The following ERCC3 variants were observed in gnomAD, a reference collection of about 807,000 sequenced individuals.
The protein encoded by ERCC3 is ERCC excision repair 3, TFIIH core complex helicase subunit.
In ERCC3, 66 loss-of-function variants were observed where a neutral mutation model predicts 94.2. The observed-to-expected ratio is 0.70, with a 90% confidence interval of 0.57 to 0.86. The LOEUF is 0.86. ERCC3 is among the 40% of genes least tolerant of loss of function. The pLI, the probability that ERCC3 is intolerant of heterozygous loss-of-function variation, is 0.00. For missense variants in ERCC3, 829 were observed against 987.1 expected (o/e 0.84, Z 2.15); for synonymous variants, 349 against 369.1 (o/e 0.95, Z 0.63).
chr2:127,294,107 TG>T lies in ERCC3; in HGVS notation c.-27del. 6.2e-7 allele frequency: 1 copy of T among 1,605,332 alleles called. No individual in the cohort carries two copies. Among genetic ancestry groups the T allele is most frequent in the Non-Finnish European group, 8.5e-7 (1 of 1,179,080 alleles). On this transcript the variant is annotated 5_prime_UTR_variant, in exon 1 of 15. It removes the in-frame stop codon of an upstream open reading frame in the 5' UTR. Transcript: ENST00000285398. ...GGCAGCTACAGCAGCAGAGAGAAGA[TG>T]ACCCCGCTCCCACAGGCCCGCCGCG...
intron 4 of ERCC3, 23 bp from the exon 5 acceptor site, chr2:127,289,847 G>A (rs753121116): frequency 9.9e-6 from 16 of 1,613,974 alleles, no homozygotes; most frequent in Non-Finnish European, 1.3e-5. Flanking sequence ...GAGGAAGAAG[G>A]GGTCTACTGA....
intron 6 of ERCC3, 64 bp downstream of exon 6, chr2:127,289,273 A>G (rs1207778615): frequency 1.4e-6 from 2 of 1,463,216 alleles, no homozygotes; most frequent in South Asian, 1.1e-5. Context: ...GAGTCGACAC[A>G]TGGCTGGACT....
In ERCC3 at chr2:127,280,658, C is replaced by G; in HGVS notation, c.1343-27G>C. 1.1e-5 allele frequency: 17 copies of G among 1,584,124 alleles called. No homozygotes were observed. The highest frequency in any genetic ancestry group is 1.4e-5 in the Non-Finnish European group (16 of 1,153,486). ...TGAGGAAACAATGGGAGCATTCACACTGTCACTTTTCTTTCTTATTTTTTA... is the reference window on the plus strand; with the variant it reads ...TGAGGAAACAATGGGAGCATTCACAGTGTCACTTTTCTTTCTTATTTTTTA... On this transcript the variant is annotated intron_variant, in intron 8 of 14. Coordinates refer to ENST00000285398, the MANE Select transcript of ERCC3 (RefSeq NM_000122.2). The surrounding 1 kb of genome is among the most constrained non-coding windows in gnomAD (Gnocchi z 6.3).
intron 10 of ERCC3, among the ~76,000 whole-genome samples, chr2:127,275,479 T>C (rs1430155200): frequency 6.6e-6 from 1 of 152,164 alleles, no homozygotes; most frequent in Non-Finnish European, 1.5e-5. Context: ...TGCCCTTCAC[T>C]GTGACAGACT....
chr2:127,273,512 T>C lies in ERCC3; in HGVS notation c.1731-551A>G, dbSNP rs369238970. Reference sequence around the variant, plus strand: ...CGCCTGTAATCCCAGCACTTTGGGATGCCGAGGCGGGTGGATCACCTGAGG... The same window carrying C: ...CGCCTGTAATCCCAGCACTTTGGGACGCCGAGGCGGGTGGATCACCTGAGG... On this transcript the variant is annotated intron_variant, in intron 10 of 14. Transcript: ENST00000285398. Among the ~76,000 whole-genome samples, 136 of 150,986 alleles carry C rather than the reference T, an allele frequency of 9.0e-4. 5 individuals are homozygous for C. The South Asian group carries it at 0.028, about 31-fold the overall frequency.
chr2:127,271,403 G>A lies in ERCC3; in HGVS notation c.1878C>T (p.Ile626=). The change falls in exon 12 of 15, where the codon ATC becomes ATT. Residue 626 remains isoleucine, a synonymous_variant. Transcript: ENST00000285398. The surrounding 1 kb of genome is among the most constrained non-coding windows in gnomAD (Gnocchi z 5.0). ...DLPEANVLIQ[I]SSHGGSRRQE... ...GACGCCTGGAGCCACCATGGGATGAGATCTGAATGAGGACATTTGCTTCCG... is the reference window on the plus strand; with the variant it reads ...GACGCCTGGAGCCACCATGGGATGAAATCTGAATGAGGACATTTGCTTCCG... 1 of 1,614,048 alleles carries A rather than the reference G, an allele frequency of 6.2e-7. No homozygotes were observed. Among genetic ancestry groups the A allele is most frequent in the South Asian group, 1.1e-5 (1 of 91,078 alleles).
chr2:127,292,287 C>T (rs1315632132), intron 3 of ERCC3: 17 of 442,410 alleles, frequency 3.8e-5, no homozygotes, highest in Non-Finnish European at 6.3e-5. Context: ...GCTGCATTTC[C>T]AAATTCTCCC....
Position 127,257,534 on chromosome 2 carries a change from G to A in ERCC3, c.*62C>T. The A allele has an allele frequency of 6.2e-7, 1 of 1,606,148 alleles. No homozygotes were observed. The highest frequency in any genetic ancestry group is 8.5e-7 in the Non-Finnish European group (1 of 1,174,526). On this transcript the variant is annotated 3_prime_UTR_variant, in exon 15 of 15. Transcript: ENST00000285398. This position sits in a 1 kb window ranked among gnomAD's most constrained non-coding sequence, Gnocchi z 5.4. ...AGAGGTGGAAGGAAAATGTTATGCT[G>A]AAAATCCCTTTCCAACAAGGGTGCC...
intron 10 of ERCC3, 116 bp from the exon 11 acceptor site, chr2:127,273,077 T>C (rs1410436563): frequency 4.3e-6 from 3 of 705,232 alleles, no homozygotes; most frequent in African/African-American, 1.8e-5. Flanking sequence ...GCCCTCGTCA[T>C]GTAGGAATAT....
Position 127,266,709 on chromosome 2 carries a change from ATT to A in ERCC3, c.1945+4625_1945+4626del, listed in dbSNP as rs960627621. On this transcript the variant is annotated intron_variant, in intron 12 of 14. Coordinates refer to ENST00000285398, the MANE Select transcript of ERCC3 (RefSeq NM_000122.2). ...TTTATGGCCAAACACATGATCAATT[ATT>A]TTTTTTTTTTTTTTTTTTTTTTGTG... Among the ~76,000 whole-genome samples, 102 of 87,310 alleles carry A rather than the reference ATT, an allele frequency of 1.2e-3. No individual in the cohort carries two copies. The East Asian group carries it at 0.031, about 26-fold the overall frequency. The allele number at this position is 87,310 out of a possible 152,430, so 57.3% of individuals were successfully genotyped here.
intron 7 of ERCC3, among the ~76,000 whole-genome samples, chr2:127,288,014 C>T (rs568868411): frequency 4.3e-4 from 66 of 152,220 alleles, no homozygotes; most frequent in African/African-American, 1.5e-3. Context: ...CAAAATAACC[C>T]TTGGAGTTTT....
Position 127,280,745 on chromosome 2 carries a change from T to C in ERCC3, c.1343-114A>G. On this transcript the variant is annotated intron_variant, in intron 8 of 14. Coordinates refer to ENST00000285398, the MANE Select transcript of ERCC3 (RefSeq NM_000122.2). The surrounding 1 kb of genome is among the most constrained non-coding windows in gnomAD (Gnocchi z 6.3). ...TCTCATTATATTGCCCAGGCTGGTC[T>C]TGAACTCCTGGCCTCAAGCAATCCC... 9.9e-7 allele frequency: 1 copy of C among 1,012,484 alleles called. No homozygotes were observed. The highest frequency in any genetic ancestry group is 1.5e-6 in the Non-Finnish European group (1 of 671,238). 62.7% of individuals were successfully genotyped at this position (1,012,484 alleles called of 1,614,324 possible). A position where few individuals can be genotyped will look rare whatever the true frequency, so the allele number is the denominator to read the frequency against.
chr2:127,292,536 G>T, intron 3 of ERCC3, 74 bp downstream of exon 3: 2 of 991,098 alleles, frequency 2.0e-6, no homozygotes, highest in Non-Finnish European at 1.6e-6. Context: ...GCCACAGGCT[G>T]ACAACATGGA....
rs1413024779 is a variant in ERCC3 at position 127,280,596 on chromosome 2, C to A, written c.1378G>T (p.Ala460Ser). Residue 460 changes from alanine (A) to serine (S), a missense_variant, in exon 9 of 15, where the codon GCC (alanine) becomes TCC (serine). Physicochemically the swap from Ala to Ser is moderately conservative, Grantham distance 99. Coordinates refer to ENST00000285398, the MANE Select transcript of ERCC3 (RefSeq NM_000122.2). The surrounding 1 kb of genome is among the most constrained non-coding windows in gnomAD (Gnocchi z 6.3). The part of the protein sequence containing the change: ...MFRRVLTIVQ[A>S]HCKLGLTATL... Reference sequence around the variant, plus strand: ...GCAGTCAAACCCAGCTTACAGTGGGCCTGCACGATGGTGAGCACCCTTCGG... The same window carrying A: ...GCAGTCAAACCCAGCTTACAGTGGGACTGCACGATGGTGAGCACCCTTCGG... 6 of 1,614,060 alleles carry A rather than the reference C, an allele frequency of 3.7e-6. No individual in the cohort carries two copies. Among genetic ancestry groups the A allele is most frequent in the African/African-American group, 1.3e-5 (1 of 74,926 alleles).
At position 127,271,326 on chromosome 2, in the gene ERCC3, G is replaced by A. The variant is rs184374356; in HGVS notation, c.1945+10C>T. On this transcript the variant is annotated intron_variant, in intron 12 of 14. Transcript: ENST00000285398. This position sits in a 1 kb window ranked among gnomAD's most constrained non-coding sequence, Gnocchi z 5.0. The stretch of plus-strand genomic sequence containing the variant: ...GACCTCCTGCAACAGAAGATGAAAG[G>A]CCACTTTACCTTTTTTAGCTCGAAG... 6.3e-7 allele frequency: 1 copy of A among 1,586,130 alleles called. No homozygotes were observed. Among genetic ancestry groups the A allele is most frequent in the Non-Finnish European group, 8.7e-7 (1 of 1,154,554 alleles).
At position 127,280,518 on chromosome 2, in the gene ERCC3, G is replaced by A; in HGVS notation, c.1456C>T (p.Pro486Ser). 1 of 1,613,998 alleles carries A rather than the reference G, an allele frequency of 6.2e-7. No homozygotes were observed. The highest frequency in any genetic ancestry group is 8.5e-7 in the Non-Finnish European group (1 of 1,179,984). The part of the protein sequence containing the change: ...KIVDLNFLIG[P>S]KLYEANWMEL... ...ATCCAGTTGGCTTCGTAGAGCTTAG[G>A]CCCAATCAGAAAATTTAAATCCACA... The change falls in exon 9 of 15, where the codon CCT becomes TCT. Residue 486 changes from proline to serine, a missense_variant. Coordinates refer to ENST00000285398, the MANE Select transcript of ERCC3 (RefSeq NM_000122.2). The surrounding 1 kb of genome is among the most constrained non-coding windows in gnomAD (Gnocchi z 6.3).
At chr2:127,267,079 C>T (rs1315556012) in intron 12 of ERCC3, among the ~76,000 whole-genome samples, 1 of 152,104 alleles carries the variant, frequency 6.6e-6, no homozygotes. Flanking sequence ...GTGGTTGTTG[C>T]GTAGAGAATT....
intron 12 of ERCC3, chr2:127,262,012 C>T (rs1045177861): frequency 6.5e-6 from 1 of 152,678 alleles, no homozygotes; most frequent in African/African-American, 2.4e-5. Flanking sequence ...ACTATATCCA[C>T]ACAAAAATTT....
rs903830510 is a variant in ERCC3 at position 127,274,735 on chromosome 2, G to C, written c.1731-1774C>G. On this transcript the variant is annotated intron_variant, in intron 10 of 14. Transcript: ENST00000285398. The surrounding 1 kb of genome is among the most constrained non-coding windows in gnomAD (Gnocchi z 4.0). Reference sequence around the variant, plus strand: ...AGAACAGCCTGACTCTTGAGACCCAGGTTTTTAGGTGGTTTTCTCCTCCCC... The same window carrying C: ...AGAACAGCCTGACTCTTGAGACCCACGTTTTTAGGTGGTTTTCTCCTCCCC... Among the ~76,000 whole-genome samples, 1 of 152,162 alleles carries C rather than the reference G, an allele frequency of 6.6e-6. No homozygotes were observed. The highest frequency in any genetic ancestry group is 1.5e-5 in the Non-Finnish European group (1 of 68,024).
Sources: allele counts gnomAD v4.1 joint callset (sites outside exome capture counted in the v4.1 genomes callset), GRCh38; gene constraint gnomAD v4.1.1; non-coding constraint Gnocchi (gnomAD v3.1); transcripts MANE v1.5; gene names NCBI Gene and HGNC (gene_info 2026-07-23, HGNC 2026-07-21).